The following NEXMIF variants were observed in gnomAD, a reference collection of about 807,000 sequenced individuals.
NEXMIF encodes the protein neurite extension and migration factor, also known as XLMR protein related to neurite extension.
In NEXMIF, 8 loss-of-function variants were observed where a neutral mutation model predicts 62.1. The observed-to-expected ratio is 0.13, with a 90% CI of 0.08 to 0.23. The LOEUF (loss-of-function observed/expected upper bound fraction) is 0.23. Ranked by LOEUF, NEXMIF falls within the 10% of genes least tolerant of loss-of-function variation. The probability of loss-of-function intolerance (pLI) is 1.00; values close to 1 mark genes in which losing one functional copy is unlikely to be tolerated. For synonymous variants in NEXMIF, 404 were observed against 416.6 expected (o/e 0.97, Z 0.37); for missense variants, 976 against 1,113.3 (o/e 0.88, Z 1.75).
chrX:74,815,929 T>C (rs1474098784), intron 1 of NEXMIF, among the ~76,000 whole-genome samples: 1 of 111,493 alleles, frequency 9.0e-6, no homozygotes, highest in East Asian at 2.8e-4. Context: ...CCACCGTGCC[T>C]GGCCTACAAC....
At chrX:74,831,629 T>A (rs2080437645) in intron 1 of NEXMIF, among the ~76,000 whole-genome samples, 1 of 110,855 alleles carries the variant, frequency 9.0e-6, no homozygotes. Flanking sequence ...GTCTTTGCTA[T>A]TGTGAATAGT....
chrX:74,762,630 T>C (rs1268545513), intron 1 of NEXMIF, among the ~76,000 whole-genome samples: 1 of 111,652 alleles, frequency 9.0e-6, no homozygotes, highest in African/African-American at 3.3e-5. Context: ...CACCTGTTGT[T>C]TCCTGACTTT....
intron 1 of NEXMIF, among the ~76,000 whole-genome samples, chrX:74,792,950 TA>T: frequency 9.3e-6 from 1 of 107,454 alleles, no homozygotes; most frequent in Non-Finnish European, 1.9e-5. Context: ...CTGTGTCTTT[TA>T]ATTGGAGCAT....
chrX:74,750,595 A>C (rs1398443943), intron 1 of NEXMIF, among the ~76,000 whole-genome samples: 2 of 112,040 alleles, frequency 1.8e-5, no homozygotes, highest in Non-Finnish European at 3.8e-5. Flanking sequence ...TAGCCCAGCT[A>C]GCTCTGTCTA....
chrX:74,872,084 A>G (rs915983988), intron 1 of NEXMIF, among the ~76,000 whole-genome samples: 1 of 111,737 alleles, frequency 8.9e-6, no homozygotes, highest in African/African-American at 3.3e-5. Flanking sequence ...GACAGGCCTA[A>G]GAAATGATAA....
chrX:74,877,718 C>T (rs2080642709), intron 1 of NEXMIF, among the ~76,000 whole-genome samples: 1 of 111,403 alleles, frequency 9.0e-6, no homozygotes, highest in African/African-American at 3.3e-5. Flanking sequence ...CTAAACTTCC[C>T]TTCTCGCTTC....
At chrX:74,900,165 C>G (rs1238862945) in intron 1 of NEXMIF, among the ~76,000 whole-genome samples, 1 of 111,167 alleles carries the variant, frequency 9.0e-6, no homozygotes, top group African/African-American at 3.3e-5. Context: ...ATTAGGATGG[C>G]TACTATTGAA....
rs41303725 is a variant in NEXMIF, at chrX:74,739,447, A to G, written c.4509T>C (p.Pro1503=). Residue 1503 remains proline (P), a synonymous_variant, in exon 4 of 4, where the codon CCT becomes CCC. Coordinates refer to ENST00000055682, the MANE Select transcript of NEXMIF (RefSeq NM_001008537.3). ...LKAETTFWVL[P]VFEEETRIFQ... ...AAATGCGAGTCTCTTCTTCAAACAC[A>G]GGTAAAACCCAAAAGGTTGTTTCTG... The G allele has an allele frequency of 1.0e-3, 1,257 of 1,198,042 alleles. No individual in the cohort carries two copies. The highest frequency in any genetic ancestry group is 1.4e-3 in the Non-Finnish European group (1,214 of 890,955).
chrX:74,910,965 T>C (rs927335001), intron 1 of NEXMIF, among the ~76,000 whole-genome samples: 1 of 111,889 alleles, frequency 8.9e-6, no homozygotes, highest in Non-Finnish European at 1.9e-5. Flanking sequence ...TCTTCCCAGG[T>C]ATGTCTTTAT....
intron 1 of NEXMIF, among the ~76,000 whole-genome samples, chrX:74,888,236 A>G (rs1417891803): frequency 9.2e-6 from 1 of 108,553 alleles, no homozygotes; most frequent in East Asian, 2.9e-4. Context: ...ACATGTATAC[A>G]TATGTAACAA....
At position 74,738,296 on chromosome X, in the gene NEXMIF, T is replaced by A. The variant is rs768774849; in HGVS notation, c.*1109A>T. ...CATCTTATCTGATAGTAAATGTACT[T>A]TACTCATAAGAAGAAAAATTTGGTT... On this transcript the variant is annotated 3_prime_UTR_variant, in exon 4 of 4. Transcript: ENST00000055682. 8.9e-6 allele frequency: 1 copy of A among 111,757 alleles called. No homozygotes were observed. The highest frequency in any genetic ancestry group is 1.9e-5 in the Non-Finnish European group (1 of 53,080). The allele number at this position is 111,757 out of a possible 1,213,427, so 9.2% of individuals were successfully genotyped here. A position where few individuals can be genotyped will look rare whatever the true frequency, so the allele number is the denominator to read the frequency against.
At chrX:74,790,665 G>C (rs1371096517) in intron 1 of NEXMIF, among the ~76,000 whole-genome samples, 1 of 113,658 alleles carries the variant, frequency 8.8e-6, no homozygotes, top group East Asian at 2.7e-4. Flanking sequence ...GCAGTAGTTT[G>C]TAGTTCTCCT....
intron 1 of NEXMIF, among the ~76,000 whole-genome samples, chrX:74,838,590 T>G (rs1460570757): frequency 8.9e-6 from 1 of 112,365 alleles, no homozygotes; most frequent in East Asian, 2.8e-4. Flanking sequence ...ATTAACAACA[T>G]ATGGTAACAA....
intron 1 of NEXMIF, among the ~76,000 whole-genome samples, chrX:74,748,888 T>TA (rs778158596): frequency 2.7e-5 from 3 of 111,878 alleles, no homozygotes; most frequent in Non-Finnish European, 5.6e-5. Context: ...GTAAGTCCTG[T>TA]TTTTGTCTAT....
At chrX:74,897,264 G>C (rs2080735642) in intron 1 of NEXMIF, among the ~76,000 whole-genome samples, 1 of 111,691 alleles carries the variant, frequency 9.0e-6, no homozygotes, top group African/African-American at 3.3e-5. Flanking sequence ...CACCTTCTCT[G>C]GGCTTTGGCT....
chrX:74,862,554 G>A (rs2080561739), intron 1 of NEXMIF, among the ~76,000 whole-genome samples: 1 of 111,152 alleles, frequency 9.0e-6, no homozygotes. Context: ...GTGCCACATG[G>A]CGTTTACTCT....
At chrX:74,864,845 A>C (rs1379167214) in intron 1 of NEXMIF, among the ~76,000 whole-genome samples, 1 of 110,533 alleles carries the variant, frequency 9.0e-6, no homozygotes, top group East Asian at 2.8e-4. Flanking sequence ...AGTAGCTGGG[A>C]CTATAGGCAC....
chrX:74,878,332 G>T (rs999362071), intron 1 of NEXMIF, among the ~76,000 whole-genome samples: 13 of 112,112 alleles, frequency 1.2e-4, no homozygotes, highest in African/African-American at 3.9e-4. Flanking sequence ...CACTTGAGGA[G>T]GCAGTCTGCC....
intron 1 of NEXMIF, among the ~76,000 whole-genome samples, chrX:74,817,759 C>T (rs2147477640): frequency 8.9e-6 from 1 of 111,746 alleles, no homozygotes; most frequent in African/African-American, 3.2e-5. Flanking sequence ...CATCTCTAAT[C>T]TTCCTACAAT....
Sources: gnomAD v4.1 joint callset for allele counts (sites outside exome capture counted in the v4.1 genomes callset) on GRCh38, gnomAD v4.1.1 for gene constraint, MANE v1.5 for transcripts, NCBI Gene and HGNC (gene_info 2026-07-23, HGNC 2026-07-21) for gene names.